The following GRIK1 variants were observed in gnomAD, a reference collection of about 807,000 sequenced individuals.
The protein encoded by GRIK1 is glutamate ionotropic receptor kainate type subunit 1, also known as glutamate receptor ionotropic, kainate 1.
A neutral mutation model predicts 105.7 loss-of-function variants in GRIK1; 69 were observed. The observed-to-expected ratio is 0.65, with a 90% CI of 0.54 to 0.80. GRIK1 has a LOEUF of 0.80. Among genes scored for constraint, GRIK1 ranks in the 30% least tolerant of loss-of-function variants. The pLI is 0.00. For missense variants in GRIK1, 1,109 were observed against 1,167.3 expected (o/e 0.95, Z 0.73); for synonymous variants, 438 against 431.3 (o/e 1.02, Z -0.19).
intron 14 of GRIK1, among the ~76,000 whole-genome samples, chr21:29,563,612 T>C (rs2090538695): frequency 6.6e-6 from 1 of 152,192 alleles, no homozygotes; most frequent in Non-Finnish European, 1.5e-5. Context: ...CAAAGTCTGA[T>C]AATGCTAAAC....
chr21:29,901,159 A>T (rs1467871210), intron 1 of GRIK1, among the ~76,000 whole-genome samples: 1 of 152,246 alleles, frequency 6.6e-6, no homozygotes, highest in Non-Finnish European at 1.5e-5. Flanking sequence ...GGAAATTTAT[A>T]GCACTAAATC....
chr21:29,758,425 A>G (rs2065408108), intron 1 of GRIK1, among the ~76,000 whole-genome samples: 1 of 152,316 alleles, frequency 6.6e-6, no homozygotes, highest in South Asian at 2.1e-4. Context: ...ACTCCCCTTT[A>G]TAAAACCATC....
At chr21:29,745,203 C>G (rs1601586131) in intron 1 of GRIK1, among the ~76,000 whole-genome samples, 1 of 152,110 alleles carries the variant, frequency 6.6e-6, no homozygotes, top group East Asian at 1.9e-4. Context: ...ACTGGGGGTG[C>G]CCTCTGGCTA....
chr21:29,750,678 A>G (rs541295220), intron 1 of GRIK1, among the ~76,000 whole-genome samples: 1 of 152,280 alleles, frequency 6.6e-6, no homozygotes, highest in African/African-American at 2.4e-5. Context: ...AGAAGAATTG[A>G]GAGAAGCAAA....
At chr21:29,682,552 A>G (rs996690604) in intron 3 of GRIK1, among the ~76,000 whole-genome samples, 1 of 152,226 alleles carries the variant, frequency 6.6e-6, no homozygotes, top group Non-Finnish European at 1.5e-5. Flanking sequence ...TACTCAATAA[A>G]TAATGCTGAG....
At chr21:29,871,506 T>G (rs1230527386) in intron 1 of GRIK1, among the ~76,000 whole-genome samples, 2 of 152,086 alleles carry the variant, frequency 1.3e-5, no homozygotes, top group Admixed American at 1.3e-4. Context: ...GACCTAAAAT[T>G]TTCACTATGT....
intron 1 of GRIK1, among the ~76,000 whole-genome samples, chr21:29,843,946 C>A (rs1357197794): frequency 1.3e-5 from 2 of 152,148 alleles, no homozygotes; most frequent in Admixed American, 1.3e-4. Context: ...GCTGTCACAT[C>A]CAAGTTTTCA....
intron 1 of GRIK1, among the ~76,000 whole-genome samples, chr21:29,818,285 A>G (rs2067206152): frequency 6.6e-6 from 1 of 152,116 alleles, no homozygotes. Flanking sequence ...GAGAAACAGA[A>G]TTTACTTAGG....
chr21:29,587,479 G>A lies in GRIK1; in HGVS notation c.1680C>T (p.Pro560=). The change falls in exon 12 of 18, where the codon CCC becomes CCT. Residue 560 remains proline (P), a synonymous_variant. Transcript: ENST00000327783. ...TLGISILYRK[P]NGTNPGVFSF... is the part of the protein sequence containing the mutation. ...AGAAAACGCCTGGATTGGTACCATT[G>A]GGCTTCCGGTAGAGAATGCTGATGC... The A allele has an allele frequency of 6.2e-7, 1 of 1,613,006 alleles. No homozygotes were observed. Among genetic ancestry groups the A allele is most frequent in the South Asian group, 1.1e-5 (1 of 91,050 alleles).
At chr21:29,613,028 C>T (rs16984505) in intron 7 of GRIK1, among the ~76,000 whole-genome samples, 9,535 of 152,164 alleles carry the variant, frequency 0.063, 440 homozygotes, top group African/African-American at 0.12. Flanking sequence ...TAGCTGGGTG[C>T]CTCTTTGCAA....
intron 1 of GRIK1, among the ~76,000 whole-genome samples, chr21:29,700,937 A>T (rs1284536062): frequency 6.6e-6 from 1 of 152,216 alleles, no homozygotes. Context: ...TTTCTATCTT[A>T]TTCCTCTCAA....
At chr21:29,770,563 T>C (rs1334618661) in intron 1 of GRIK1, among the ~76,000 whole-genome samples, 2 of 152,222 alleles carry the variant, frequency 1.3e-5, no homozygotes, top group Admixed American at 6.5e-5. Context: ...CTCACATCCA[T>C]TTTTTGAATA....
intron 1 of GRIK1, 24 bp downstream of exon 1, chr21:29,939,359 G>C: frequency 7.5e-7 from 1 of 1,333,498 alleles, no homozygotes; most frequent in Non-Finnish European, 1.1e-6. Flanking sequence ...CGTCTCCCGA[G>C]CAGGCAGCCT....
At chr21:29,631,134 A>G (rs1488108233) in intron 7 of GRIK1, among the ~76,000 whole-genome samples, 3 of 152,132 alleles carry the variant, frequency 2.0e-5, no homozygotes, top group African/African-American at 4.8e-5. Context: ...TTATGCAGCA[A>G]TAGGAAACTA....
At chr21:29,627,807 T>G (rs1297318371) in intron 7 of GRIK1, among the ~76,000 whole-genome samples, 1 of 152,226 alleles carries the variant, frequency 6.6e-6, no homozygotes. Context: ...TAACAAACTT[T>G]CCTTTTGTTA....
At chr21:29,634,112 A>G (rs9975141) in intron 7 of GRIK1, among the ~76,000 whole-genome samples, 1 of 152,224 alleles carries the variant, frequency 6.6e-6, no homozygotes, top group Non-Finnish European at 1.5e-5. Context: ...TCAGCCAACC[A>G]ACCAACCAAA....
chr21:29,732,667 A>T (rs2064666067), intron 1 of GRIK1, among the ~76,000 whole-genome samples: 1 of 152,208 alleles, frequency 6.6e-6, no homozygotes, highest in Admixed American at 6.5e-5. Context: ...TAAGGAAAAA[A>T]GTTCTCAGAG....
intron 1 of GRIK1, among the ~76,000 whole-genome samples, chr21:29,753,131 C>T (rs530319620): frequency 2.1e-4 from 32 of 152,292 alleles, no homozygotes; most frequent in Non-Finnish European, 4.7e-4. Flanking sequence ...TGTCTTACTT[C>T]ATCCATGTTT....
chr21:29,672,737 A>G (rs116692015), intron 4 of GRIK1, among the ~76,000 whole-genome samples: 2,077 of 152,284 alleles, frequency 0.014, 59 homozygotes, highest in African/African-American at 0.048. Context: ...TAGGAGTCAC[A>G]TACCACTCGG....
Sources: allele counts gnomAD v4.1 joint callset (sites outside exome capture counted in the v4.1 genomes callset), GRCh38; gene constraint gnomAD v4.1.1; transcripts MANE v1.5; gene names NCBI Gene and HGNC (gene_info 2026-07-23, HGNC 2026-07-21).